Variants in SLC44A1 observed in about 807,000 individuals in gnomAD.
The protein encoded by SLC44A1 is solute carrier family 44 member 1.
Under a neutral mutation model 79.3 loss-of-function variants are expected in SLC44A1, and 26 were observed. The ratio of observed to expected loss-of-function variants is 0.33; its 90% CI spans 0.24 to 0.46. The LOEUF (loss-of-function observed/expected upper bound fraction) is 0.46, where lower values mean the gene tolerates loss of function less well. Among genes scored for constraint, SLC44A1 ranks in the 20% least tolerant of loss-of-function variants. The pLI, the probability that SLC44A1 is intolerant of heterozygous loss-of-function variation, is 1.00. For missense variants in SLC44A1, 688 were observed against 798.1 expected, an observed-to-expected ratio of 0.86 and a Z score of 1.66; for synonymous variants, 263 against 286.2, an observed-to-expected ratio of 0.92 and a Z score of 0.82.
intron 13 of SLC44A1, among the ~76,000 whole-genome samples, chr9:105,378,849 T>A (rs1182426229): frequency 6.6e-6 from 1 of 152,218 alleles, no homozygotes; most frequent in African/African-American, 2.4e-5. Context: ...AACTAATAGA[T>A]CATAATAAAC....
chr9:105,421,023 A>AAAG (rs1829242530), intron 15 of SLC44A1, among the ~76,000 whole-genome samples: 1 of 152,238 alleles, frequency 6.6e-6, no homozygotes, highest in African/African-American at 2.4e-5. Flanking sequence ...AATGTTGAAT[A>AAAG]AAGTAACAAA....
At chr9:105,308,252 A>G (rs1230443601) in intron 2 of SLC44A1, among the ~76,000 whole-genome samples, 3 of 152,224 alleles carry the variant, frequency 2.0e-5, no homozygotes, top group African/African-American at 7.2e-5. Flanking sequence ...TTCTAATAAT[A>G]GTACCTAACA....
intron 15 of SLC44A1, among the ~76,000 whole-genome samples, chr9:105,422,143 G>C (rs1427750543): frequency 1.3e-5 from 2 of 152,082 alleles, no homozygotes; most frequent in Non-Finnish European, 2.9e-5. Flanking sequence ...TAGCAACTTA[G>C]GTACTCAAGC....
intron 1 of SLC44A1, among the ~76,000 whole-genome samples, chr9:105,251,485 C>G (rs1375053074): frequency 1.3e-5 from 2 of 152,130 alleles, no homozygotes; most frequent in Non-Finnish European, 2.9e-5. Flanking sequence ...TTGAAAAATC[C>G]CAAGCTAATT....
intron 1 of SLC44A1, among the ~76,000 whole-genome samples, chr9:105,261,991 A>G (rs448836): frequency 0.2 from 30,890 of 151,496 alleles, 5,427 homozygotes; most frequent in African/African-American, 0.48. Flanking sequence ...CACCATGTTG[A>G]TCGGGTGGTC....
intron 1 of SLC44A1, 54 bp downstream of exon 1, chr9:105,244,958 TCGCGCGGCGGGCGCCCGC>T: frequency 3.0e-6 from 3 of 984,212 alleles, no homozygotes; most frequent in Middle Eastern, 4.1e-4. Context: ...GTGCGCCGCG[TCGCGCGGCGGGCGCCCGC>T]CGCCCGATAC....
chr9:105,366,226 A>G, intron 11 of SLC44A1, 120 bp from the exon 12 acceptor site: 1 of 465,062 alleles, frequency 2.2e-6, no homozygotes, highest in Non-Finnish European at 3.8e-6. Flanking sequence ...ACAAGTATGG[A>G]GGCTTTGAAG....
chr9:105,392,957 A>T lies in SLC44A1; in HGVS notation c.*3901A>T, dbSNP rs1272438108. 16 of 823,738 alleles carry T rather than the reference A, an allele frequency of 1.9e-5. No individual in the cohort carries two copies. The highest frequency in any genetic ancestry group is 1.9e-4 in the African/African-American group (10 of 54,000). The allele number at this position is 823,738 out of a possible 1,614,324, so 51.0% of individuals were successfully genotyped here. On this transcript the variant is annotated 3_prime_UTR_variant, in exon 16 of 16. Coordinates refer to ENST00000374720, the MANE Select transcript of SLC44A1 (RefSeq NM_080546.5). ...TTTACTGCTTTTCTACTGCTACTTTAAAAAAAAAACAACAACAACAAATAA... is the reference window on the plus strand; with the variant it reads ...TTTACTGCTTTTCTACTGCTACTTTTAAAAAAAAACAACAACAACAAATAA...
At chr9:105,432,469 A>G (rs941458941) in intron 15 of SLC44A1, among the ~76,000 whole-genome samples, 2 of 152,306 alleles carry the variant, frequency 1.3e-5, no homozygotes, top group East Asian at 3.9e-4. Context: ...ATCCAAAATG[A>G]TATTAGGTTA....
At chr9:105,254,998 A>G (rs1829669636) in intron 1 of SLC44A1, among the ~76,000 whole-genome samples, 1 of 151,738 alleles carries the variant, frequency 6.6e-6, no homozygotes, top group South Asian at 2.1e-4. Context: ...CCTCCAGCTG[A>G]TACACTTAAG....
chr9:105,285,245 G>A (rs547004168), intron 1 of SLC44A1, among the ~76,000 whole-genome samples: 132 of 152,254 alleles, frequency 8.7e-4, no homozygotes, highest in African/African-American at 2.9e-3. Flanking sequence ...GTGTTTTACA[G>A]AATTTAGGTG....
At chr9:105,309,591 A>G (rs917786382) in intron 2 of SLC44A1, 133 bp from the exon 3 acceptor site, 23 of 719,712 alleles carry the variant, frequency 3.2e-5, no homozygotes, top group African/African-American at 2.8e-4. Context: ...AAACAGTGGA[A>G]TAGTGTTTGC....
rs144357184 is a variant in SLC44A1 at position 105,426,154 on chromosome 9, A to G, written c.1951-12127A>G. 5.4e-3 allele frequency among the ~76,000 whole-genome samples: 829 copies of G among 152,332 alleles called. 7 individuals are homozygous for G. Among genetic ancestry groups the G allele is most frequent in the African/African-American group, 0.019 (803 of 41,574 alleles). ...AATATTTGTGTAATTTGGCCTTTCT[A>G]TATAAACCATTTAATACTTCAAAAT... is the stretch of plus-strand genomic sequence containing the variant. On this transcript the variant is annotated intron_variant, in intron 15 of 15. Coordinates refer to the SLC44A1 transcript ENST00000374724.
chr9:105,294,416 A>T (rs965526805), intron 1 of SLC44A1, among the ~76,000 whole-genome samples: 28 of 151,270 alleles, frequency 1.9e-4, no homozygotes, highest in African/African-American at 5.8e-4. Flanking sequence ...TGTCTGAGAG[A>T]TCTTCTGTCA....
At chr9:105,343,446 A>G (rs1827160212) in intron 4 of SLC44A1, among the ~76,000 whole-genome samples, 1 of 152,224 alleles carries the variant, frequency 6.6e-6, no homozygotes. Flanking sequence ...TGGTTGTTAG[A>G]TTAATCAGTA....
At chr9:105,338,408 T>C (rs950385136) in intron 4 of SLC44A1, among the ~76,000 whole-genome samples, 3 of 152,212 alleles carry the variant, frequency 2.0e-5, no homozygotes, top group African/African-American at 7.2e-5. Flanking sequence ...AGTTATCTGG[T>C]TTTTTTCTTT....
chr9:105,287,748 C>T (rs1214300995), intron 1 of SLC44A1, among the ~76,000 whole-genome samples: 1 of 152,166 alleles, frequency 6.6e-6, no homozygotes, highest in East Asian at 1.9e-4. Flanking sequence ...GTTCCTTTCC[C>T]TCTCCATACC....
At chr9:105,254,660 T>G (rs570967021) in intron 1 of SLC44A1, among the ~76,000 whole-genome samples, 1 of 152,360 alleles carries the variant, frequency 6.6e-6, no homozygotes, top group Non-Finnish European at 1.5e-5. Flanking sequence ...AGTTATCTTC[T>G]TGTCCTAGTG....
At chr9:105,431,830 C>A (rs1034689489) in intron 15 of SLC44A1, among the ~76,000 whole-genome samples, 2 of 152,170 alleles carry the variant, frequency 1.3e-5, no homozygotes, top group African/African-American at 4.8e-5. Context: ...AACAAAGCAG[C>A]TTTAATTTGA....
Sources: allele counts gnomAD v4.1 joint callset (sites outside exome capture counted in the v4.1 genomes callset), GRCh38; gene constraint gnomAD v4.1.1; transcripts MANE v1.5; gene names NCBI Gene and HGNC (gene_info 2026-07-23, HGNC 2026-07-21).